Variants in CHD8 observed in about 807,000 individuals in gnomAD.
CHD8 encodes the protein ATP-dependent chromatin remodeler CHD8.
In CHD8, 31 loss-of-function variants were observed where a neutral mutation model predicts 279.2. That is an observed-to-expected ratio of 0.11 (90% CI 0.08 to 0.15). The LOEUF is 0.15. Among genes scored for constraint, CHD8 ranks in the 10% least tolerant of loss-of-function variants. The pLI, the probability that CHD8 is intolerant of heterozygous loss-of-function variation, is 1.00. For missense variants in CHD8, 2,146 were observed against 3,230.5 expected (o/e 0.66, Z 8.14); for synonymous variants, 1,081 against 1,139.6 (o/e 0.95, Z 1.04).
chr14:21,402,191 T>C lies in CHD8; in HGVS notation c.3883-55A>G. 1.4e-6 allele frequency: 2 copies of C among 1,468,200 alleles called. No homozygotes were observed. Among genetic ancestry groups the C allele is most frequent in the South Asian group, 1.2e-5 (1 of 80,534 alleles). 90.9% of individuals were successfully genotyped at this position (1,468,200 alleles called of 1,614,324 possible). A position where few individuals can be genotyped will look rare whatever the true frequency, so the allele number is the denominator to read the frequency against. On this transcript the variant is annotated intron_variant, in intron 19 of 37. Transcript: ENST00000646647. The surrounding 1 kb of genome is among the most constrained non-coding windows in gnomAD (Gnocchi z 4.5). ...CTATCAAGAGAATAATATCTAACCA[T>C]GCCATAATATTTTAGCTATTATATT...
rs553502454 is a variant in CHD8 at position 21,405,188 on chromosome 14, A to T, written c.3307+21T>A. 1.4e-5 allele frequency: 22 copies of T among 1,612,128 alleles called. No individual in the cohort carries two copies. The South Asian group carries it at 2.1e-4, about 15-fold the overall frequency. On this transcript the variant is annotated intron_variant, in intron 16 of 37. Coordinates refer to ENST00000646647, the MANE Select transcript of CHD8 (RefSeq NM_001170629.2). This position sits in a 1 kb window ranked among gnomAD's most constrained non-coding sequence, Gnocchi z 4.2. Reference sequence around the variant, plus strand: ...ACACAGGTACTACAGAAGTTCAGGTATATACCAAGCATTCCCTCACCATTG... The same window carrying T: ...ACACAGGTACTACAGAAGTTCAGGTTTATACCAAGCATTCCCTCACCATTG...
intron 1 of CHD8, among the ~76,000 whole-genome samples, chr14:21,445,954 C>G (rs563068778): frequency 6.6e-6 from 1 of 152,042 alleles, no homozygotes; most frequent in Non-Finnish European, 1.5e-5. Context: ...GAGCTGAGAT[C>G]GTGCCACTGC....
intron 11 of CHD8, 44 bp downstream of exon 11, chr14:21,409,807 C>A: frequency 2.6e-6 from 4 of 1,530,166 alleles, no homozygotes; most frequent in Admixed American, 2.2e-5. Flanking sequence ...AAAATTTAAT[C>A]ATTTCTTATG....
chr14:21,390,766 C>T (rs1887492429), intron 37 of CHD8, among the ~76,000 whole-genome samples, 181 bp downstream of exon 37: 1 of 35,394 alleles, frequency 2.8e-5, no homozygotes, highest in African/African-American at 6.4e-5. Flanking sequence ...GAGACTCCGT[C>T]TCAAAAAAAA....
chr14:21,418,611 C>A (rs942253628), intron 5 of CHD8, among the ~76,000 whole-genome samples: 1 of 152,236 alleles, frequency 6.6e-6, no homozygotes, highest in South Asian at 2.1e-4. Context: ...GTCAGGAGAT[C>A]GAGACCATCC....
intron 1 of CHD8, among the ~76,000 whole-genome samples, chr14:21,452,698 A>G (rs1384697406): frequency 6.6e-6 from 1 of 151,602 alleles, no homozygotes; most frequent in Admixed American, 6.6e-5. Context: ...TAGAAATACA[A>G]CTGTCAGCCG....
In CHD8 at chr14:21,431,474, T is replaced by A. The variant is rs1178044952; in HGVS notation, c.170A>T (p.Asp57Val). 6.5e-7 allele frequency: 1 copy of A among 1,536,778 alleles called. No individual in the cohort carries two copies. The highest frequency in any genetic ancestry group is 1.2e-5 in the South Asian group (1 of 84,012). ...TTCACTTGCTGATGAATTCCCCACA[T>A]CACCACCTCCACCATCCTGGTTCAT... is the stretch of plus-strand genomic sequence containing the variant. Reference protein sequence around the residue: ...DQMNQDGGGGDVGNSSASELV... With the variant: ...DQMNQDGGGGVVGNSSASELV... The change falls in exon 2 of 38, where the codon GAT becomes GTT. Residue 57 changes from aspartate (D) to valine (V), a missense_variant. Physicochemically the swap from Asp to Val is radical, Grantham distance 152. This residue lies in a region of CHD8 where 302 missense variants were observed against 325.5 expected (regional missense o/e 0.93). Transcript: ENST00000646647.
At chr14:21,409,185 C>T (rs1235404337) in intron 11 of CHD8, among the ~76,000 whole-genome samples, 3 of 152,178 alleles carry the variant, frequency 2.0e-5, no homozygotes, top group South Asian at 4.1e-4. Context: ...CTGTATTAGA[C>T]AGCACAGCTC....
rs1889394586 is a variant in CHD8, at chr14:21,427,852, T to C, written c.1601+17A>G. 1.9e-6 allele frequency: 3 copies of C among 1,611,582 alleles called. No individual in the cohort carries two copies. The highest frequency in any genetic ancestry group is 3.3e-5 in the Admixed American group (2 of 59,856). ...CTTACTCTTGCACGTCCCATCACAG[T>C]AGCAAGGAGTACTCACTTGAGCTTG... On this transcript the variant is annotated intron_variant, in intron 4 of 37. Coordinates refer to ENST00000646647, the MANE Select transcript of CHD8 (RefSeq NM_001170629.2).
At position 21,405,501 on chromosome 14, in the gene CHD8, G is replaced by A. The variant is rs1235613237; in HGVS notation, c.3052-37C>T. On this transcript the variant is annotated intron_variant, in intron 15 of 37. Coordinates refer to ENST00000646647, the MANE Select transcript of CHD8 (RefSeq NM_001170629.2). The surrounding 1 kb of genome is among the most constrained non-coding windows in gnomAD (Gnocchi z 4.2). ...TACAGAGAGAAAAATAAATCAATAA[G>A]ATGAGGGCGAACATTCTCACATTAT... 6.3e-7 allele frequency: 1 copy of A among 1,588,192 alleles called. No homozygotes were observed. Among genetic ancestry groups the A allele is most frequent in the Non-Finnish European group, 8.6e-7 (1 of 1,167,328 alleles).
chr14:21,392,692 G>T lies in CHD8; in HGVS notation c.6586C>A (p.His2196Asn), dbSNP rs1225078774. 6.2e-7 allele frequency: 1 copy of T among 1,613,864 alleles called. No individual in the cohort carries two copies. Among genetic ancestry groups the T allele is most frequent in the African/African-American group, 1.3e-5 (1 of 74,908 alleles). The change falls in exon 34 of 38, where the codon CAC (histidine) becomes AAC (asparagine). Residue 2196 changes from histidine (H) to asparagine (N), a missense_variant. Transcript: ENST00000646647. ...VTGGILGPGN[H>N]LLDSPSLTPG... ...GTCAATGAGGGACTGTCTAGCAAGT[G>T]GTTGCCTGGCCCCAAAATTCCTCCT...
rs559500990 is a variant in CHD8 at position 21,400,708 on chromosome 14, T to G, written c.4371-96A>C. ...CTGAAAAGGTGTGAAACAAAGATCT[T>G]AAAAAACATGGTAACAGAATAAACA... On this transcript the variant is annotated intron_variant, in intron 22 of 37. Coordinates refer to ENST00000646647, the MANE Select transcript of CHD8 (RefSeq NM_001170629.2). The surrounding 1 kb of genome is among the most constrained non-coding windows in gnomAD (Gnocchi z 4.2). 12 of 1,311,008 alleles carry G rather than the reference T, an allele frequency of 9.2e-6. No individual in the cohort carries two copies. Among genetic ancestry groups the G allele is most frequent in the Middle Eastern group, 1.9e-4 (1 of 5,154 alleles). 81.2% of individuals were successfully genotyped at this position (1,311,008 alleles called of 1,614,324 possible).
rs1887655436 is a variant in CHD8, at chr14:21,393,873, A to G, written c.5922T>C (p.Ala1974=). Residue 1974 remains alanine (A), a synonymous_variant, in exon 32 of 38, where the codon GCT becomes GCC. Coordinates refer to ENST00000646647, the MANE Select transcript of CHD8 (RefSeq NM_001170629.2). ...GAGTAGAGCAGCGTGACAAGGATGG[A>G]GCTGGTGCTCCTGCTTGATGGTTCT... ...YMQNHQAGAP[A]PSLSRCSTPL... 6.2e-7 allele frequency: 1 copy of G among 1,613,942 alleles called. No individual in the cohort carries two copies. Among genetic ancestry groups the G allele is most frequent in the Non-Finnish European group, 8.5e-7 (1 of 1,179,870 alleles).
Position 21,431,023 on chromosome 14 carries a change from G to A in CHD8, c.621C>T (p.Thr207=), listed in dbSNP as rs370423608. ...AAACACCTGGTCGAAGGGGTGTGCC[G>A]GTTAGCACTTTGGTAAAAGTGACTT... ...GGKVTFTKVL[T]GTPLRPGVSI... is the part of the protein sequence containing the mutation. Residue 207 remains threonine (T), a synonymous_variant, in exon 2 of 38, where the codon ACC becomes ACT. Coordinates refer to ENST00000646647, the MANE Select transcript of CHD8 (RefSeq NM_001170629.2). 5.8e-5 allele frequency: 92 copies of A among 1,599,344 alleles called. No homozygotes were observed. The highest frequency in any genetic ancestry group is 3.3e-4 in the South Asian group (30 of 91,024).
chr14:21,424,619 C>T (rs2139523166), intron 5 of CHD8, among the ~76,000 whole-genome samples: 1 of 152,148 alleles, frequency 6.6e-6, no homozygotes, highest in South Asian at 2.1e-4. Context: ...TACAGGCGCC[C>T]ACCACCACGC....
intron 26 of CHD8, chr14:21,398,185 G>T: frequency 3.8e-6 from 1 of 262,148 alleles, no homozygotes; most frequent in Non-Finnish European, 7.1e-6. Context: ...CTCCCAAAGT[G>T]TTGGGATTCC....
intron 37 of CHD8, among the ~76,000 whole-genome samples, chr14:21,387,370 G>T (rs566605015): frequency 6.6e-6 from 1 of 152,168 alleles, no homozygotes; most frequent in Non-Finnish European, 1.5e-5. Flanking sequence ...GGTGGCTCAC[G>T]CCTGTAATCC....
chr14:21,392,785 C>A lies in CHD8; in HGVS notation c.6493G>T (p.Asp2165Tyr). ...PKDRVLINRI[D>Y]LVCQAVLSGK... ...GAGAGTACAGCCTGGCAGACGAGGT[C>A]AATACGGTTTATCAGGACACGATCC... is the stretch of plus-strand genomic sequence containing the variant. Residue 2165 changes from aspartate to tyrosine, a missense_variant, in exon 34 of 38, where the codon GAC becomes TAC. Asp to Tyr is a radical substitution (Grantham distance 160). This residue lies in a region of CHD8 where 513 missense variants were observed against 637.6 expected (regional missense o/e 0.80). Transcript: ENST00000646647. 3.1e-6 allele frequency: 5 copies of A among 1,613,758 alleles called. No homozygotes were observed. The highest frequency in any genetic ancestry group is 4.2e-6 in the Non-Finnish European group (5 of 1,179,834).
In CHD8 at chr14:21,405,298, G is replaced by T; in HGVS notation, c.3218C>A (p.Ser1073Tyr). ...AILEKNFSFL[S>Y]KGAGHTNMPN... ...CATGTTGGTATGACCTGCCCCTTTGGAAAGGAAGGAGAAATTCTTCTCCAA... is the reference window on the plus strand; with the variant it reads ...CATGTTGGTATGACCTGCCCCTTTGTAAAGGAAGGAGAAATTCTTCTCCAA... The change falls in exon 16 of 38, where the codon TCC (serine) becomes TAC (tyrosine). Residue 1073 changes from serine to tyrosine, a missense_variant. By Grantham distance (144) the Ser-to-Tyr change is moderately radical (BLOSUM62 -2). This residue lies in a region of CHD8 where 18 missense variants were observed against 17.1 expected (regional missense o/e 1.05). Transcript: ENST00000646647. The surrounding 1 kb of genome is among the most constrained non-coding windows in gnomAD (Gnocchi z 4.2). The T allele has an allele frequency of 6.2e-7, 1 of 1,612,164 alleles. No homozygotes were observed. Among genetic ancestry groups the T allele is most frequent in the Non-Finnish European group, 8.5e-7 (1 of 1,178,992 alleles).
Sources: gnomAD v4.1 joint callset for allele counts (sites outside exome capture counted in the v4.1 genomes callset) on GRCh38, gnomAD v4.1.1 for gene constraint, gnomAD v4.1.1 regional missense constraint, Gnocchi (gnomAD v3.1) non-coding constraint, MANE v1.5 for transcripts, NCBI Gene and HGNC (gene_info 2026-07-23, HGNC 2026-07-21) for gene names.